The following TTLL6 variants were observed in gnomAD, a reference collection of about 807,000 sequenced individuals.
TTLL6 encodes tubulin tyrosine ligase like 6, also known as tubulin polyglutamylase TTLL6.
Under a neutral mutation model 96.4 loss-of-function variants are expected in TTLL6, and 75 were observed. The ratio of observed to expected loss-of-function variants is 0.78; its 90% CI spans 0.65 to 0.94. TTLL6 has a LOEUF of 0.94. TTLL6 is among the 40% of genes least tolerant of loss of function. The pLI, the probability that TTLL6 is intolerant of heterozygous loss-of-function variation, is 0.00. For missense variants in TTLL6, 1,030 were observed against 1,093.0 expected (o/e 0.94, Z 0.81); for synonymous variants, 411 against 419.4 (o/e 0.98, Z 0.24).
At chr17:48,772,811 A>G (rs1239026398) in intron 13 of TTLL6, among the ~76,000 whole-genome samples, 1 of 152,084 alleles carries the variant, frequency 6.6e-6, no homozygotes, top group Admixed American at 6.6e-5. Flanking sequence ...CACAAACTAT[A>G]AAAAAGAACA....
At position 48,768,998 on chromosome 17, in the gene TTLL6, C is replaced by G; in HGVS notation, c.2667G>C (p.Glu889Asp). The G allele has an allele frequency of 1.2e-6, 2 of 1,614,088 alleles. No homozygotes were observed. Among genetic ancestry groups the G allele is most frequent in the Non-Finnish European group, 1.7e-6 (2 of 1,179,912 alleles). Residue 889 changes from glutamate to aspartate, a missense_variant, in exon 15 of 16, where the codon GAG (glutamate) becomes GAC (aspartate). Coordinates refer to ENST00000393382, the MANE Select transcript of TTLL6 (RefSeq NM_001130918.3). ...ATATGTGTGGGCCTACCTAGCTCCT[C>G]TCACATCCTTTTTGGCCAGAGATCA... is the stretch of plus-strand genomic sequence containing the variant. ...HCLISGQKGCERS is the reference protein window; with the variant it reads ...HCLISGQKGCDRS
intron 1 of TTLL6, among the ~76,000 whole-genome samples, chr17:48,806,631 C>T (rs2039509314): frequency 6.6e-6 from 1 of 152,088 alleles, no homozygotes; most frequent in Admixed American, 6.6e-5. Flanking sequence ...AAGAATATAA[C>T]ATTAAAGGAG....
At chr17:48,807,167 A>C (rs972911232) in intron 1 of TTLL6, among the ~76,000 whole-genome samples, 15 of 151,780 alleles carry the variant, frequency 9.9e-5, no homozygotes, top group African/African-American at 3.4e-4. Context: ...GGCTCACTAC[A>C]ACCTCCACCT....
intron 13 of TTLL6, 27 bp from the exon 14 acceptor site, chr17:48,770,124 G>T: frequency 6.4e-7 from 1 of 1,561,430 alleles, no homozygotes; most frequent in South Asian, 1.2e-5. Flanking sequence ...TTCAAAATGA[G>T]ACTGTGGAAA....
At position 48,776,807 on chromosome 17, in the gene TTLL6, C is replaced by T. The variant is rs545912409; in HGVS notation, c.2041-6710G>A. 5.9e-5 allele frequency among the ~76,000 whole-genome samples: 9 copies of T among 152,196 alleles called. 1 individual carries two copies. The South Asian group carries it at 1.9e-3, about 32-fold the overall frequency. On this transcript the variant is annotated intron_variant, in intron 13 of 15. Coordinates refer to ENST00000393382, the MANE Select transcript of TTLL6 (RefSeq NM_001130918.3). ...TCCTCAAAATTTTCTGCAGATTCAG[C>T]ACAATGCCAATCAGAATCCCAGTGT...
chr17:48,806,421 A>C (rs1051187672), intron 1 of TTLL6, among the ~76,000 whole-genome samples: 1 of 152,062 alleles, frequency 6.6e-6, no homozygotes, highest in Non-Finnish European at 1.5e-5. Flanking sequence ...CCTCACATCC[A>C]AGGCACCTAT....
rs550451227 is a variant in TTLL6 at position 48,789,875 on chromosome 17, T to C, written c.1400+56A>G. The C allele has an allele frequency of 1.3e-4, 201 of 1,580,336 alleles. No individual in the cohort carries two copies. In the African/African-American group the frequency reaches 2.1e-3, roughly 17 times the overall value. ...CCCGGCCCAGGACAGATCATTCTTA[T>C]TGGGAGCAGGGGAGTCAGAGAGAGA... On this transcript the variant is annotated intron_variant, in intron 10 of 15. Coordinates refer to ENST00000393382, the MANE Select transcript of TTLL6 (RefSeq NM_001130918.3).
At chr17:48,784,243 A>G (rs2039043818) in intron 13 of TTLL6, among the ~76,000 whole-genome samples, 2 of 152,132 alleles carry the variant, frequency 1.3e-5, no homozygotes, top group African/African-American at 2.4e-5. Flanking sequence ...CTTCTCGACA[A>G]AAAATACAAA....
chr17:48,794,356 C>A, intron 8 of TTLL6: 1 of 1,553,464 alleles, frequency 6.4e-7, no homozygotes, highest in Non-Finnish European at 8.7e-7. Flanking sequence ...CGCACACTGT[C>A]TGTGTTGCCA....
Position 48,787,949 on chromosome 17 carries a change from G to C in TTLL6, c.1451C>G (p.Thr484Arg). ...FRAVQLKKTE[T>R]YEKENCGGFR... ...CCCTCCACAGTTTTCCTTCTCATACGTTTCAGTTTTCTTTAACTGCACGGC... is the reference window on the plus strand; with the variant it reads ...CCCTCCACAGTTTTCCTTCTCATACCTTTCAGTTTTCTTTAACTGCACGGC... Residue 484 changes from threonine to arginine, a missense_variant, in exon 11 of 16, where the codon ACG becomes AGG. Transcript: ENST00000393382. 6.2e-7 allele frequency: 1 copy of C among 1,614,060 alleles called. No individual in the cohort carries two copies. The highest frequency in any genetic ancestry group is 8.5e-7 in the Non-Finnish European group (1 of 1,180,020).
intron 13 of TTLL6, among the ~76,000 whole-genome samples, chr17:48,782,094 CT>C (rs1214515922): frequency 1.4e-5 from 2 of 146,136 alleles, no homozygotes; most frequent in Admixed American, 1.5e-4. Flanking sequence ...AATATATATA[CT>C]TTTTCTTTTC....
At chr17:48,785,348 C>T (rs2039070863) in intron 12 of TTLL6, 147 bp from the exon 13 acceptor site, 1 of 1,155,158 alleles carries the variant, frequency 8.7e-7, no homozygotes, top group East Asian at 2.5e-5. Context: ...GGGCTCTCAA[C>T]TTGGAATTCT....
chr17:48,805,817 A>C (rs1229588479), intron 1 of TTLL6, among the ~76,000 whole-genome samples: 1 of 146,930 alleles, frequency 6.8e-6, no homozygotes, highest in Non-Finnish European at 1.5e-5. Flanking sequence ...TATTAAAAAT[A>C]CAAAAAAAAA....
intron 1 of TTLL6, among the ~76,000 whole-genome samples, chr17:48,809,667 T>C (rs896565944): frequency 5.9e-5 from 9 of 151,970 alleles, no homozygotes; most frequent in Non-Finnish European, 1.2e-4. Flanking sequence ...AAAACCCGCC[T>C]GGGCAACAAA....
chr17:48,794,454 G>C (rs2039284194), intron 8 of TTLL6: 1 of 1,269,924 alleles, frequency 7.9e-7, no homozygotes, highest in Non-Finnish European at 1.1e-6. Context: ...AGACCAAGAA[G>C]TGCAGGCTCA....
At chr17:48,810,755 C>T (rs1157882674) in intron 1 of TTLL6, among the ~76,000 whole-genome samples, 2 of 89,016 alleles carry the variant, frequency 2.2e-5, no homozygotes, top group Non-Finnish European at 4.6e-5. Flanking sequence ...ATATATAGTA[C>T]ATATATACAC....
intron 1 of TTLL6, among the ~76,000 whole-genome samples, chr17:48,808,580 G>A (rs151288397): frequency 1.3e-5 from 2 of 152,052 alleles, no homozygotes; most frequent in African/African-American, 4.8e-5. Flanking sequence ...GTTTTGTTTT[G>A]TTTTTTGAGA....
intron 9 of TTLL6, among the ~76,000 whole-genome samples, chr17:48,790,742 C>T (rs781748709): frequency 2.6e-5 from 4 of 152,208 alleles, no homozygotes; most frequent in Non-Finnish European, 5.9e-5. Context: ...CCTGTAATCT[C>T]GGGTTCTCCA....
intron 1 of TTLL6, among the ~76,000 whole-genome samples, chr17:48,811,172 G>A (rs2039586531): frequency 6.7e-6 from 1 of 149,410 alleles, no homozygotes. Context: ...GGGTTCAAGC[G>A]ATTCTGTTGC....
Sources: allele counts gnomAD v4.1 joint callset (sites outside exome capture counted in the v4.1 genomes callset), GRCh38; gene constraint gnomAD v4.1.1; transcripts MANE v1.5; gene names NCBI Gene and HGNC (gene_info 2026-07-23, HGNC 2026-07-21).